The following CSMD1 variants were observed in gnomAD, a reference collection of about 807,000 sequenced individuals.
CSMD1 encodes CUB and Sushi multiple domains 1.
Under a neutral mutation model 417.5 loss-of-function variants are expected in CSMD1, and 213 were observed. The ratio of observed to expected loss-of-function variants is 0.51; its 90% CI spans 0.46 to 0.57. CSMD1 has a LOEUF of 0.57. Among genes scored for constraint, CSMD1 ranks in the 20% least tolerant of loss-of-function variants. CSMD1 has a pLI of 0.00. For synonymous variants in CSMD1, 2,862 were observed against 1,736.8 expected (o/e 1.65, Z -16.11); for missense variants, 6,923 against 4,529.7 (o/e 1.53, Z -15.17).
rs142311935 is a variant in CSMD1, at chr8:4,099,206, G to GCA, written c.416-67109_416-67108dup. ...CACACATACACACTCACACACACAC[G>GCA]CACACACACACACACACCATTTCTA... On this transcript the variant is annotated intron_variant, in intron 3 of 69. Coordinates refer to ENST00000635120, the MANE Select transcript of CSMD1 (RefSeq NM_033225.6). 3.6e-3 allele frequency among the ~76,000 whole-genome samples: 528 copies of GCA among 148,562 alleles called. 4 individuals are homozygous for GCA. Among genetic ancestry groups the GCA allele is most frequent in the Non-Finnish European group, 5.6e-3 (374 of 66,784 alleles).
chr8:3,634,267 C>G (rs1297269575), intron 7 of CSMD1, among the ~76,000 whole-genome samples: 4 of 152,194 alleles, frequency 2.6e-5, no homozygotes, highest in African/African-American at 9.6e-5. Flanking sequence ...GGTCCAGCCA[C>G]ATGGTATTGG....
chr8:4,499,951 T>C (rs1160446071), intron 2 of CSMD1, among the ~76,000 whole-genome samples: 2 of 151,956 alleles, frequency 1.3e-5, no homozygotes, highest in Non-Finnish European at 2.9e-5. Flanking sequence ...GTAGTATGCA[T>C]GGAAAGAAAA....
At chr8:4,450,072 C>T (rs1799047235) in intron 2 of CSMD1, among the ~76,000 whole-genome samples, 1 of 152,160 alleles carries the variant, frequency 6.6e-6, no homozygotes, top group South Asian at 2.1e-4. Context: ...CCAAGGACTT[C>T]CTCGTCCTGT....
chr8:3,571,846 A>G (rs1258000079), intron 10 of CSMD1, among the ~76,000 whole-genome samples: 1 of 151,988 alleles, frequency 6.6e-6, no homozygotes, highest in East Asian at 1.9e-4. Context: ...TTAGATTCCA[A>G]ACTCTGCGTC....
At chr8:2,963,796 T>A (rs1803708194) in intron 59 of CSMD1, among the ~76,000 whole-genome samples, 1 of 152,206 alleles carries the variant, frequency 6.6e-6, no homozygotes, top group African/African-American at 2.4e-5. Flanking sequence ...TTTCTGGCCA[T>A]CTGTATTTTT....
intron 10 of CSMD1, among the ~76,000 whole-genome samples, chr8:3,535,024 C>A (rs370920998): frequency 8.5e-5 from 13 of 152,132 alleles, no homozygotes; most frequent in African/African-American, 3.1e-4. Flanking sequence ...CAGAACTCAC[C>A]GTAGCATTCA....
At chr8:3,396,169 G>T (rs1212743772) in intron 17 of CSMD1, 25 bp downstream of exon 17, 1 of 1,546,686 alleles carries the variant, frequency 6.5e-7, no homozygotes, top group South Asian at 1.2e-5. Flanking sequence ...GCCCTGCCGG[G>T]CTGTCAAGGG....
chr8:4,870,798 G>A (rs1049397564), intron 1 of CSMD1, among the ~76,000 whole-genome samples: 3 of 152,120 alleles, frequency 2.0e-5, no homozygotes, highest in South Asian at 2.1e-4. Context: ...AAATGCCACC[G>A]AGGAAGAAAG....
At chr8:3,609,857 C>G (rs572481233) in intron 8 of CSMD1, among the ~76,000 whole-genome samples, 1 of 105,648 alleles carries the variant, frequency 9.5e-6, no homozygotes, top group South Asian at 3.5e-4. Flanking sequence ...CTTGCTCTGT[C>G]CCCCAGGCTG....
Position 4,482,129 on chromosome 8 carries a change from C to T in CSMD1, c.303-62064G>A, listed in dbSNP as rs1585146498. Among the ~76,000 whole-genome samples, 2 of 152,252 alleles carry T rather than the reference C, an allele frequency of 1.3e-5. 1 individual carries two copies. Among genetic ancestry groups the T allele is most frequent in the Non-Finnish European group, 2.9e-5 (2 of 68,022 alleles). ...TAAAAAACTTTTAAGTTCAGGGGTA[C>T]ATGAGCAGGTTACATAAGTAAACTT... On this transcript the variant is annotated intron_variant, in intron 2 of 69. Coordinates refer to ENST00000635120, the MANE Select transcript of CSMD1 (RefSeq NM_033225.6).
intron 3 of CSMD1, among the ~76,000 whole-genome samples, chr8:4,061,766 G>C (rs769640306): frequency 1.3e-5 from 2 of 152,108 alleles, no homozygotes; most frequent in Non-Finnish European, 2.9e-5. Flanking sequence ...TGCATGTTCA[G>C]TACCTAAAAA....
At chr8:4,912,122 CAAAAAAA>C in intron 1 of CSMD1, among the ~76,000 whole-genome samples, 1 of 84,594 alleles carries the variant, frequency 1.2e-5, no homozygotes, top group African/African-American at 4.0e-5. Flanking sequence ...AACATAGCTT[CAAAAAAA>C]AAAAAAAAAA....
At chr8:3,247,796 C>A (rs1162089564) in intron 26 of CSMD1, among the ~76,000 whole-genome samples, 1 of 152,216 alleles carries the variant, frequency 6.6e-6, no homozygotes, top group Non-Finnish European at 1.5e-5. Flanking sequence ...CACATAGATT[C>A]ACTAAGAATC....
At chr8:4,044,097 ATTAT>A (rs1218448039) in intron 3 of CSMD1, among the ~76,000 whole-genome samples, 9 of 152,112 alleles carry the variant, frequency 5.9e-5, no homozygotes, top group Non-Finnish European at 1.5e-5. Flanking sequence ...TCTCTGTGAT[ATTAT>A]TTGATATGAT....
intron 1 of CSMD1, among the ~76,000 whole-genome samples, chr8:4,769,041 G>A (rs1414144521): frequency 6.6e-6 from 1 of 152,092 alleles, no homozygotes; most frequent in African/African-American, 2.4e-5. Context: ...GCCATCTCGG[G>A]GAATATCATT....
intron 7 of CSMD1, among the ~76,000 whole-genome samples, chr8:3,667,958 G>A (rs759576230): frequency 7.9e-5 from 12 of 152,088 alleles, no homozygotes; most frequent in Non-Finnish European, 1.6e-4. Context: ...TTTCCTCCCT[G>A]CGTCTTTCTA....
At chr8:4,507,157 T>C (rs1802572407) in intron 2 of CSMD1, among the ~76,000 whole-genome samples, 1 of 152,170 alleles carries the variant, frequency 6.6e-6, no homozygotes, top group African/African-American at 2.4e-5. Flanking sequence ...TCCATATTTC[T>C]GAAAGTTTAC....
rs1038808308 is a variant in CSMD1, at chr8:4,660,632, C to A, written c.86-23074G>T. Among the ~76,000 whole-genome samples, 48 of 152,040 alleles carry A rather than the reference C, an allele frequency of 3.2e-4. 1 individual carries two copies. The highest frequency in any genetic ancestry group is 1.9e-3 in the Admixed American group (29 of 15,268). On this transcript the variant is annotated intron_variant, in intron 1 of 69. Coordinates refer to ENST00000635120, the MANE Select transcript of CSMD1 (RefSeq NM_033225.6). Reference sequence around the variant, plus strand: ...ATAAAAAATATTATAAATTATAGTTCAGCAAAATTAAAAACATTTCCTCTT... The same window carrying A: ...ATAAAAAATATTATAAATTATAGTTAAGCAAAATTAAAAACATTTCCTCTT...
At chr8:3,280,322 G>C (rs1376521705) in intron 26 of CSMD1, among the ~76,000 whole-genome samples, 3 of 152,164 alleles carry the variant, frequency 2.0e-5, no homozygotes, top group Admixed American at 1.3e-4. Flanking sequence ...CATAAATAAA[G>C]TAAAAATAAC....
Sources: gnomAD v4.1 joint callset for allele counts (sites outside exome capture counted in the v4.1 genomes callset) on GRCh38, gnomAD v4.1.1 for gene constraint, MANE v1.5 for transcripts, NCBI Gene and HGNC (gene_info 2026-07-23, HGNC 2026-07-21) for gene names.